WWP2: variants seen among roughly 807,000 people sequenced by gnomAD.
WWP2 encodes the protein NEDD4-like E3 ubiquitin-protein ligase WWP2.
In WWP2, 57 loss-of-function variants were observed where a neutral mutation model predicts 121.0. The ratio of observed to expected loss-of-function variants is 0.47; its 90% CI spans 0.38 to 0.59. The LOEUF (loss-of-function observed/expected upper bound fraction) is 0.59. Ranked by LOEUF, WWP2 falls within the 20% of genes least tolerant of loss-of-function variation. The pLI, the probability that WWP2 is intolerant of heterozygous loss-of-function variation, is 0.00. For synonymous variants in WWP2, 449 were observed against 441.3 expected (o/e 1.02, Z -0.22); for missense variants, 962 against 1,158.9 (o/e 0.83, Z 2.47).
chr16:69,936,782 C>G, intron 19 of WWP2: 1 of 480,742 alleles, frequency 2.1e-6, no homozygotes, highest in South Asian at 2.4e-5. Flanking sequence ...GTGCCTAGAC[C>G]CACCGTCTCA....
At chr16:69,871,621 AG>A in intron 6 of WWP2, 182 bp from the exon 7 acceptor site, 1 of 779,320 alleles carries the variant, frequency 1.3e-6, no homozygotes, top group East Asian at 3.1e-5. Context: ...TTTACCAAAA[AG>A]GAAACTTCCC....
intron 4 of WWP2, among the ~76,000 whole-genome samples, chr16:69,825,244 G>A (rs911160025): frequency 1.3e-5 from 2 of 151,532 alleles, no homozygotes; most frequent in African/African-American, 4.8e-5. Context: ...GACCAACATG[G>A]TGAAACCCCG....
At chr16:69,933,560 C>T (rs2058751266) in intron 16 of WWP2, among the ~76,000 whole-genome samples, 1 of 152,114 alleles carries the variant, frequency 6.6e-6, no homozygotes, top group Admixed American at 6.5e-5. Context: ...TCAAACAGAA[C>T]CTTTGCAGAA....
In WWP2 at chr16:69,941,184, A is replaced by G. The variant is rs2058875681; in HGVS notation, c.*1244A>G. The G allele has an allele frequency of 6.6e-6, 1 of 152,112 alleles. No individual in the cohort carries two copies. Among genetic ancestry groups the G allele is most frequent in the Non-Finnish European group, 1.5e-5 (1 of 68,030 alleles). 9.4% of individuals were successfully genotyped at this position (152,112 alleles called of 1,614,324 possible). Reference sequence around the variant, plus strand: ...GTTCCCGCCAGCCTCCAACACGGGGACTCTGCCGTAACTGGAATCTTCATA... The same window carrying G: ...GTTCCCGCCAGCCTCCAACACGGGGGCTCTGCCGTAACTGGAATCTTCATA... On this transcript the variant is annotated 3_prime_UTR_variant, in exon 24 of 24. Transcript: ENST00000359154.
At chr16:69,887,753 A>G (rs2151937879) in intron 7 of WWP2, among the ~76,000 whole-genome samples, 1 of 152,320 alleles carries the variant, frequency 6.6e-6, no homozygotes, top group South Asian at 2.1e-4. Context: ...CTTTTGTTGC[A>G]ATAAATGTAA....
intron 7 of WWP2, among the ~76,000 whole-genome samples, chr16:69,876,793 TC>T (rs1211005228): frequency 3.3e-5 from 5 of 152,186 alleles, no homozygotes; most frequent in Non-Finnish European, 7.3e-5. Flanking sequence ...CCATCAGAGC[TC>T]TTGGGTAACC....
intron 4 of WWP2, among the ~76,000 whole-genome samples, chr16:69,825,637 T>A (rs958095346): frequency 2.6e-5 from 4 of 151,776 alleles, no homozygotes; most frequent in African/African-American, 9.7e-5. Context: ...TTTGGTTTTT[T>A]TTTTTGGATA....
At chr16:69,902,362 G>A (rs1237870099) in intron 8 of WWP2, among the ~76,000 whole-genome samples, 3 of 152,210 alleles carry the variant, frequency 2.0e-5, no homozygotes, top group Admixed American at 2.0e-4. Flanking sequence ...CAATCCATCA[G>A]TGCAAAGGTA....
chr16:69,777,509 G>A (rs1018076168), intron 1 of WWP2, among the ~76,000 whole-genome samples: 6 of 151,404 alleles, frequency 4.0e-5, no homozygotes, highest in African/African-American at 9.7e-5. Context: ...CCCTGTTGGC[G>A]AGGCTGGTCT....
In WWP2 at chr16:69,936,419, G is replaced by A. The variant is rs374450870; in HGVS notation, c.2084G>A (p.Arg695Gln). ...CTGAAGGAGGGCGGCGAGAGCATCCGGGTCACAGAGGAGAACAAGGAAGAG... is the reference window on the plus strand; with the variant it reads ...CTGAAGGAGGGCGGCGAGAGCATCCAGGTCACAGAGGAGAACAAGGAAGAG... ...HELKEGGESI[R>Q]VTEENKEEYI... The change falls in exon 19 of 24, where the codon CGG becomes CAG. Residue 695 changes from arginine (R) to glutamine (Q), a missense_variant. Coordinates refer to ENST00000359154, the MANE Select transcript of WWP2 (RefSeq NM_001270454.2). 1.4e-4 allele frequency: 221 copies of A among 1,613,962 alleles called. 1 individual carries two copies. Among genetic ancestry groups the A allele is most frequent in the South Asian group, 2.4e-4 (22 of 91,074 alleles).
intron 4 of WWP2, among the ~76,000 whole-genome samples, chr16:69,817,575 A>G (rs753465393): frequency 2.7e-5 from 4 of 150,556 alleles, no homozygotes; most frequent in Admixed American, 6.7e-5. Flanking sequence ...GTTTTGTATA[A>G]ATGTACCCAC....
chr16:69,801,709 A>T (rs2056171246), intron 4 of WWP2, among the ~76,000 whole-genome samples: 1 of 151,728 alleles, frequency 6.6e-6, no homozygotes, highest in Admixed American at 6.6e-5. Flanking sequence ...ACTATACCTG[A>T]CTACTGTTAA....
intron 9 of WWP2, among the ~76,000 whole-genome samples, chr16:69,912,995 T>TATA (rs1325470664): frequency 6.0e-4 from 1 of 1,660 alleles, no homozygotes; most frequent in Non-Finnish European, 1.0e-3. Context: ...TATATATATA[T>TATA]TTTTTTTTTT....
intron 4 of WWP2, among the ~76,000 whole-genome samples, chr16:69,824,012 A>G (rs1597004449): frequency 6.6e-6 from 1 of 152,196 alleles, no homozygotes; most frequent in East Asian, 1.9e-4. Context: ...ACCTGGTGAC[A>G]GGAAAATGAG....
At chr16:69,792,446 ACT>A (rs149630325) in intron 2 of WWP2, among the ~76,000 whole-genome samples, 6,740 of 152,138 alleles carry the variant, frequency 0.044, 513 homozygotes, top group African/African-American at 0.15. Context: ...TAAAGTCGTG[ACT>A]CTGTGTATAA....
At chr16:69,866,840 T>C (rs998918772) in intron 6 of WWP2, among the ~76,000 whole-genome samples, 1 of 150,180 alleles carries the variant, frequency 6.7e-6, no homozygotes, top group Non-Finnish European at 1.5e-5. Flanking sequence ...ATTTATTTAT[T>C]TATTTATTTA....
intron 7 of WWP2, among the ~76,000 whole-genome samples, chr16:69,878,760 C>A (rs895562947): frequency 6.6e-6 from 1 of 152,164 alleles, no homozygotes; most frequent in Non-Finnish European, 1.5e-5. Flanking sequence ...TTCATCTAAC[C>A]ATTCCTTAAT....
chr16:69,861,170 A>T (rs1306517488), intron 6 of WWP2, among the ~76,000 whole-genome samples: 1 of 152,192 alleles, frequency 6.6e-6, no homozygotes, highest in Admixed American at 6.5e-5. Context: ...CATAGGACAA[A>T]TCACAGGCTG....
chr16:69,780,803 A>G (rs969021829), intron 1 of WWP2, among the ~76,000 whole-genome samples: 1 of 152,206 alleles, frequency 6.6e-6, no homozygotes, highest in African/African-American at 2.4e-5. Context: ...CAGGAGTTCA[A>G]GACTGGCCTG....
Sources: allele counts gnomAD v4.1 joint callset (sites outside exome capture counted in the v4.1 genomes callset), GRCh38; gene constraint gnomAD v4.1.1; transcripts MANE v1.5; gene names NCBI Gene and HGNC (gene_info 2026-07-23, HGNC 2026-07-21).